The following ABTB2 variants were observed in gnomAD, a reference collection of about 807,000 sequenced individuals.
The protein encoded by ABTB2 is ankyrin repeat and BTB domain containing 2, also known as ankyrin repeat and BTB/POZ domain-containing protein 2.
ABTB2 carries 56 observed loss-of-function variants against 104.1 expected under a neutral mutation model. That is an observed-to-expected ratio of 0.54 (90% CI 0.43 to 0.67). ABTB2 has a LOEUF of 0.67. Ranked by LOEUF, ABTB2 falls within the 30% of genes least tolerant of loss-of-function variation. ABTB2 has a pLI of 0.00. For synonymous variants in ABTB2, 606 were observed against 608.2 expected (o/e 1.00, Z 0.05); for missense variants, 1,279 against 1,407.7 (o/e 0.91, Z 1.46).
At chr11:34,243,806 C>T (rs900749106) in intron 1 of ABTB2, among the ~76,000 whole-genome samples, 2 of 152,144 alleles carry the variant, frequency 1.3e-5, no homozygotes, top group African/African-American at 2.4e-5. Flanking sequence ...GTCTAGAGCA[C>T]GGTTCTTCGC....
chr11:34,283,307 C>T (rs1854469817), intron 1 of ABTB2, among the ~76,000 whole-genome samples: 1 of 152,110 alleles, frequency 6.6e-6, no homozygotes, highest in Non-Finnish European at 1.5e-5. Context: ...CCTCCACCTC[C>T]TGGGTTCAAG....
chr11:34,261,101 C>T (rs1031485437), intron 1 of ABTB2, among the ~76,000 whole-genome samples: 9 of 152,070 alleles, frequency 5.9e-5, no homozygotes, highest in Non-Finnish European at 1.2e-4. Context: ...CCAGCCTAGG[C>T]AACAGAGCAA....
At chr11:34,212,939 G>C (rs1196618803) in intron 1 of ABTB2, among the ~76,000 whole-genome samples, 1 of 152,174 alleles carries the variant, frequency 6.6e-6, no homozygotes, top group Non-Finnish European at 1.5e-5. Flanking sequence ...TAAAAGGCTG[G>C]CAAAGGGTGA....
intron 1 of ABTB2, among the ~76,000 whole-genome samples, chr11:34,273,269 T>C (rs1854341687): frequency 6.6e-6 from 1 of 152,190 alleles, no homozygotes; most frequent in Non-Finnish European, 1.5e-5. Flanking sequence ...GAGCCAAGGA[T>C]ACACCAGGGG....
chr11:34,341,750 A>C (rs548188661), intron 1 of ABTB2, among the ~76,000 whole-genome samples: 88 of 152,030 alleles, frequency 5.8e-4, no homozygotes, highest in Non-Finnish European at 1.1e-3. Flanking sequence ...TTCTACAAAA[A>C]CTCATGAGTT....
chr11:34,172,773 C>G (rs538540519), intron 4 of ABTB2, among the ~76,000 whole-genome samples: 1 of 152,192 alleles, frequency 6.6e-6, no homozygotes. Context: ...GAAGGGCTCA[C>G]AGCACCTGCA....
chr11:34,222,667 C>T (rs1458359603), intron 1 of ABTB2, among the ~76,000 whole-genome samples: 1 of 152,238 alleles, frequency 6.6e-6, no homozygotes, highest in African/African-American at 2.4e-5. Context: ...GGATAACAGA[C>T]TTTCCCTCCC....
intron 1 of ABTB2, among the ~76,000 whole-genome samples, chr11:34,316,282 C>A (rs747418945): frequency 6.6e-6 from 1 of 152,214 alleles, no homozygotes; most frequent in African/African-American, 2.4e-5. Flanking sequence ...CTGCAAAAGT[C>A]GCAAATGGCT....
At chr11:34,265,578 A>T (rs1049210861) in intron 1 of ABTB2, among the ~76,000 whole-genome samples, 2 of 150,092 alleles carry the variant, frequency 1.3e-5, no homozygotes, top group African/African-American at 4.9e-5. Context: ...GAATCGCTTG[A>T]ACCCGGGAGG....
chr11:34,167,489 G>A, intron 6 of ABTB2, 129 bp from the exon 7 acceptor site: 1 of 808,770 alleles, frequency 1.2e-6, no homozygotes. Flanking sequence ...GGAGCACAAA[G>A]TGGACAAGGC....
At chr11:34,308,095 C>T (rs1452335121) in intron 1 of ABTB2, among the ~76,000 whole-genome samples, 1 of 152,142 alleles carries the variant, frequency 6.6e-6, no homozygotes, top group Non-Finnish European at 1.5e-5. Flanking sequence ...GTCTGGGCCT[C>T]CTCATCTGCA....
chr11:34,217,712 G>A (rs1853566431), intron 1 of ABTB2, among the ~76,000 whole-genome samples: 1 of 152,104 alleles, frequency 6.6e-6, no homozygotes. Flanking sequence ...TCTGCCTGCC[G>A]CGGCCTCCCA....
intron 1 of ABTB2, among the ~76,000 whole-genome samples, chr11:34,220,645 G>A (rs1853609259): frequency 6.6e-6 from 1 of 152,138 alleles, no homozygotes; most frequent in Admixed American, 6.5e-5. Flanking sequence ...AAAGAGCCTG[G>A]CTCTCTCGCA....
intron 1 of ABTB2, among the ~76,000 whole-genome samples, chr11:34,354,490 G>GGGGGGT (rs1855439402): frequency 6.6e-6 from 1 of 151,628 alleles, no homozygotes; most frequent in Non-Finnish European, 1.5e-5. Flanking sequence ...TGGTGGAGCT[G>GGGGGGT]GGGGGTGGGG....
rs1226167334 is a variant in ABTB2 at position 34,276,431 on chromosome 11, G to A, written c.884-71741C>T. Among the ~76,000 whole-genome samples, 3 of 152,062 alleles carry A rather than the reference G, an allele frequency of 2.0e-5. No individual in the cohort carries two copies. In the East Asian group the frequency reaches 5.8e-4, roughly 29 times the overall value. On this transcript the variant is annotated intron_variant, in intron 1 of 16. Coordinates refer to ENST00000435224, the MANE Select transcript of ABTB2 (RefSeq NM_145804.3). ...TTCATAATCCAGTTACTACTCTTAA[G>A]GGAAAATATTAATTCCTAAAATCCT...
In ABTB2 at chr11:34,167,980, G is replaced by A; in HGVS notation, c.1576C>T (p.Leu526=). The change falls in exon 6 of 17, where the codon CTG becomes TTG. Residue 526 remains leucine, a synonymous_variant. Coordinates refer to ENST00000435224, the MANE Select transcript of ABTB2 (RefSeq NM_145804.3). ...NTMDDQGMTP[L]MYACAAGDEA... is the part of the protein sequence containing the mutation. ...TCCCCAGCAGCGCAGGCGTACATCA[G>A]TGGCGTCATACCCTGAGCAAATCAA... The A allele has an allele frequency of 6.2e-7, 1 of 1,614,132 alleles. No individual in the cohort carries two copies. The highest frequency in any genetic ancestry group is 8.5e-7 in the Non-Finnish European group (1 of 1,180,020).
intron 1 of ABTB2, among the ~76,000 whole-genome samples, chr11:34,354,152 G>T (rs1355136205): frequency 6.6e-6 from 1 of 152,146 alleles, no homozygotes; most frequent in Non-Finnish European, 1.5e-5. Context: ...GGAAGTGAAT[G>T]GTCACCTCGC....
chr11:34,196,651 C>G (rs981193102), intron 3 of ABTB2, among the ~76,000 whole-genome samples: 1 of 152,342 alleles, frequency 6.6e-6, no homozygotes, highest in East Asian at 1.9e-4. Context: ...AGTATACAAC[C>G]TGCACATCTG....
At chr11:34,186,588 C>T (rs1406552711) in intron 3 of ABTB2, among the ~76,000 whole-genome samples, 2 of 152,198 alleles carry the variant, frequency 1.3e-5, no homozygotes, top group African/African-American at 2.4e-5. Flanking sequence ...TGAAGCTCCT[C>T]GGGCCCGGCA....
Sources: gnomAD v4.1 joint callset for allele counts (sites outside exome capture counted in the v4.1 genomes callset) on GRCh38, gnomAD v4.1.1 for gene constraint, MANE v1.5 for transcripts, NCBI Gene and HGNC (gene_info 2026-07-23, HGNC 2026-07-21) for gene names.